The following KMT2C variants were observed in gnomAD, a reference collection of about 807,000 sequenced individuals.
KMT2C encodes histone-lysine N-methyltransferase 2C.
In KMT2C, 88 loss-of-function variants were observed where a neutral mutation model predicts 507.9. That is an observed-to-expected ratio of 0.17 (90% CI 0.15 to 0.21). The LOEUF is 0.21. Among genes scored for constraint, KMT2C ranks in the 10% least tolerant of loss-of-function variants. The probability of loss-of-function intolerance (pLI) is 1.00; values close to 1 mark genes in which losing one functional copy is unlikely to be tolerated. For synonymous variants in KMT2C, 2,049 were observed against 2,080.8 expected (o/e 0.98, Z 0.42); for missense variants, 4,954 against 5,957.8 (o/e 0.83, Z 5.55).
At chr7:152,212,182 A>G (rs1481475356) in intron 23 of KMT2C, among the ~76,000 whole-genome samples, 1 of 152,232 alleles carries the variant, frequency 6.6e-6, no homozygotes, top group East Asian at 1.9e-4. Context: ...TAGATGACTA[A>G]TCTCTGGAAA....
chr7:152,157,524 C>T (rs2092147990), intron 44 of KMT2C, among the ~76,000 whole-genome samples: 1 of 152,026 alleles, frequency 6.6e-6, no homozygotes, highest in African/African-American at 2.4e-5. Flanking sequence ...TTTCCACTAC[C>T]ATGGAAGTAC....
At position 152,148,081 on chromosome 7, in the gene KMT2C, C is replaced by A; in HGVS notation, c.13846G>T (p.Val4616Leu). The A allele has an allele frequency of 6.2e-7, 1 of 1,605,956 alleles. No homozygotes were observed. The highest frequency in any genetic ancestry group is 8.5e-7 in the Non-Finnish European group (1 of 1,173,792). ...ACCAGGTCTTCATGGCCTTGTTCCA[C>A]AATCCTGATGACAAACACTGGGCGC... ...DGRPVFVIRIVEQGHEDLVLS... is the reference protein window; with the variant it reads ...DGRPVFVIRILEQGHEDLVLS... Residue 4616 changes from valine to leucine, a missense_variant, in exon 52 of 59, where the codon GTG (valine) becomes TTG (leucine). Around this residue, in one of 29 missense-constraint regions of KMT2C, gnomAD observed 221 missense variants for 304.7 expected, o/e 0.73. Transcript: ENST00000262189. This position sits in a 1 kb window ranked among gnomAD's most constrained non-coding sequence, Gnocchi z 7.1.
At chr7:152,209,743 TAA>T (rs1174360544) in intron 23 of KMT2C, among the ~76,000 whole-genome samples, 88 of 116,280 alleles carry the variant, frequency 7.6e-4, no homozygotes, top group African/African-American at 1.5e-3. Context: ...CAATCTCCTT[TAA>T]AAAAAAAAAA....
At chr7:152,255,524 C>T (rs1401028643) in intron 9 of KMT2C, among the ~76,000 whole-genome samples, 2 of 151,902 alleles carry the variant, frequency 1.3e-5, no homozygotes, top group African/African-American at 4.8e-5. Flanking sequence ...ATTGGGGCTA[C>T]ATATGGTGAT....
At chr7:152,317,969 C>T (rs1168626328) in intron 3 of KMT2C, among the ~76,000 whole-genome samples, 7 of 151,868 alleles carry the variant, frequency 4.6e-5, no homozygotes, top group Admixed American at 4.6e-4. Context: ...GAAACCCCGT[C>T]TCTACTAAAA....
intron 16 of KMT2C, among the ~76,000 whole-genome samples, chr7:152,230,677 C>T (rs865892839): frequency 7.9e-5 from 12 of 152,204 alleles, no homozygotes; most frequent in Admixed American, 2.6e-4. Context: ...CACTTGGGAT[C>T]TGCAATGTAG....
At chr7:152,170,248 T>G (rs1174058032) in intron 40 of KMT2C, among the ~76,000 whole-genome samples, 1 of 152,176 alleles carries the variant, frequency 6.6e-6, no homozygotes, top group East Asian at 1.9e-4. Flanking sequence ...ATGGCTTCTG[T>G]TTCCTCTTTT....
chr7:152,393,262 C>T (rs2097514027), intron 1 of KMT2C, among the ~76,000 whole-genome samples: 1 of 152,230 alleles, frequency 6.6e-6, no homozygotes, highest in Non-Finnish European at 1.5e-5. Context: ...CCAGCCCCTA[C>T]TTGTAAATTT....
chr7:152,184,707 T>G (rs1209854782), intron 34 of KMT2C, among the ~76,000 whole-genome samples: 5 of 152,210 alleles, frequency 3.3e-5, no homozygotes, highest in Non-Finnish European at 7.3e-5. Context: ...CCACAGATGC[T>G]CAAGTCCCTT....
chr7:152,259,433 GACACACACAC>G (rs2095718266), intron 9 of KMT2C, among the ~76,000 whole-genome samples: 1 of 112,784 alleles, frequency 8.9e-6, no homozygotes, highest in African/African-American at 3.5e-5. Context: ...CAAAAACACA[GACACACACAC>G]GCGCACACAC....
At chr7:152,165,715 T>C (rs549616060) in intron 42 of KMT2C, among the ~76,000 whole-genome samples, 36 of 151,896 alleles carry the variant, frequency 2.4e-4, no homozygotes, top group African/African-American at 8.5e-4. Flanking sequence ...GAGACAAGAG[T>C]TTTGCTCTTG....
At chr7:152,367,018 G>GGGCTCT in intron 1 of KMT2C, 1 of 593,316 alleles carries the variant, frequency 1.7e-6, no homozygotes, top group South Asian at 2.0e-5. Flanking sequence ...ACCTGAGCCT[G>GGGCTCT]GGCTCTTGCT....
At chr7:152,382,742 T>A (rs12164049) in intron 1 of KMT2C, among the ~76,000 whole-genome samples, 3,739 of 115,824 alleles carry the variant, frequency 0.032, no homozygotes, top group South Asian at 0.12. Context: ...TATCCTAAAG[T>A]GATATCTGCC....
chr7:152,231,987 C>G (rs1300058922), intron 16 of KMT2C, among the ~76,000 whole-genome samples: 2 of 151,998 alleles, frequency 1.3e-5, no homozygotes, highest in African/African-American at 4.8e-5. Context: ...TCACGGCATT[C>G]TCCTGCCTCA....
At chr7:152,292,682 C>A (rs2096447798) in intron 6 of KMT2C, among the ~76,000 whole-genome samples, 1 of 152,170 alleles carries the variant, frequency 6.6e-6, no homozygotes, top group Non-Finnish European at 1.5e-5. Flanking sequence ...GCTGACACCT[C>A]CATCCACCCC....
chr7:152,372,420 T>G (rs1046333498), intron 1 of KMT2C, among the ~76,000 whole-genome samples: 2 of 152,134 alleles, frequency 1.3e-5, no homozygotes, highest in Non-Finnish European at 2.9e-5. Flanking sequence ...CCTCCCAAAG[T>G]GCTAGGAATA....
chr7:152,179,608 A>G (rs897155207), intron 37 of KMT2C, among the ~76,000 whole-genome samples: 2 of 140,788 alleles, frequency 1.4e-5, no homozygotes, highest in Non-Finnish European at 3.0e-5. Flanking sequence ...GATTAATACT[A>G]ACTTCATTTG....
rs2095336016 is a variant in KMT2C at position 152,239,040 on chromosome 7, A to G, written c.2533-214T>C. Reference sequence around the variant, plus strand: ...TGTTTGCTGCTACAATTTACATTAAATATTTTATTCTGCCTGAGACATCAC... The same window carrying G: ...TGTTTGCTGCTACAATTTACATTAAGTATTTTATTCTGCCTGAGACATCAC... On this transcript the variant is annotated intron_variant, in intron 14 of 58. Transcript: ENST00000262189. 9 of 421,150 alleles carry G rather than the reference A, an allele frequency of 2.1e-5. No homozygotes were observed. In the South Asian group the frequency reaches 2.4e-4, roughly 11 times the overall value. 26.1% of individuals were successfully genotyped at this position (421,150 alleles called of 1,614,324 possible).
In KMT2C at chr7:152,150,918, C is replaced by G. The variant is rs752830725; in HGVS notation, c.12756G>C (p.Ala4252=). The change falls in exon 51 of 59, where the codon GCG becomes GCC. Residue 4252 remains alanine, a synonymous_variant. Transcript: ENST00000262189. The part of the protein sequence containing the change: ...CFILYSSTAQ[A]KNSENKESIP... ...ATCTCACCTTGTTTTCTGAGTTTTT[C>G]GCTTGTGCAGTTGATGAATAAAGAA... 1 of 1,610,246 alleles carries G rather than the reference C, an allele frequency of 6.2e-7. No individual in the cohort carries two copies. Among genetic ancestry groups the G allele is most frequent in the Admixed American group, 1.7e-5 (1 of 59,866 alleles).
Sources: gnomAD v4.1 joint callset for allele counts (sites outside exome capture counted in the v4.1 genomes callset) on GRCh38, gnomAD v4.1.1 for gene constraint, gnomAD v4.1.1 regional missense constraint, Gnocchi (gnomAD v3.1) non-coding constraint, MANE v1.5 for transcripts, NCBI Gene and HGNC (gene_info 2026-07-23, HGNC 2026-07-21) for gene names.